The following CNNM2 variants were observed in gnomAD, a reference collection of about 807,000 sequenced individuals.
CNNM2 encodes the protein metal transporter CNNM2.
Under a neutral mutation model 66.9 loss-of-function variants are expected in CNNM2, and 12 were observed. The ratio of observed to expected loss-of-function variants is 0.18; its 90% confidence interval spans 0.11 to 0.29. The LOEUF is 0.29. Ranked by LOEUF, CNNM2 falls within the 10% of genes least tolerant of loss-of-function variation. The pLI is 1.00. For missense variants in CNNM2, 705 were observed against 1,167.7 expected (o/e 0.60, Z 5.77); for synonymous variants, 557 against 501.8 (o/e 1.11, Z -1.47).
intron 4 of CNNM2, among the ~76,000 whole-genome samples, chr10:103,062,978 G>T (rs74441776): frequency 2.6e-5 from 4 of 152,220 alleles, no homozygotes; most frequent in East Asian, 1.9e-4. Context: ...GAGATGCTGC[G>T]TTACCAGCAA....
intron 1 of CNNM2, among the ~76,000 whole-genome samples, chr10:102,988,525 T>A (rs952353747): frequency 2.0e-5 from 3 of 152,124 alleles, no homozygotes; most frequent in African/African-American, 7.2e-5. Flanking sequence ...AAGAATCTTA[T>A]ACAAAGTATA....
chr10:103,033,121 A>G (rs2064861392), intron 1 of CNNM2, among the ~76,000 whole-genome samples: 1 of 151,772 alleles, frequency 6.6e-6, no homozygotes, highest in African/African-American at 2.4e-5. Flanking sequence ...CTGTCCAAAA[A>G]AAAAAAAAGA....
At chr10:102,932,376 C>T (rs1846094014) in intron 1 of CNNM2, among the ~76,000 whole-genome samples, 1 of 151,882 alleles carries the variant, frequency 6.6e-6, no homozygotes, top group Admixed American at 6.6e-5. Flanking sequence ...GTTGCTTATG[C>T]TTTTGGTGTC....
chr10:103,038,259 T>C (rs150184698), intron 1 of CNNM2, among the ~76,000 whole-genome samples: 1 of 152,194 alleles, frequency 6.6e-6, no homozygotes, highest in Admixed American at 6.5e-5. Flanking sequence ...CCACCTAGAT[T>C]AGTTTTTCTC....
chr10:103,045,593 C>G (rs147977778), intron 1 of CNNM2, among the ~76,000 whole-genome samples: 1 of 151,710 alleles, frequency 6.6e-6, no homozygotes, highest in Non-Finnish European at 1.5e-5. Flanking sequence ...CACCCCACCC[C>G]CCGCCACCGC....
intron 1 of CNNM2, among the ~76,000 whole-genome samples, chr10:103,020,110 CTT>C (rs1458342320): frequency 1.3e-5 from 2 of 151,188 alleles, no homozygotes; most frequent in African/African-American, 4.8e-5. Context: ...TATATTTTGA[CTT>C]TTTTAGCCAT....
In CNNM2 at chr10:103,086,807, A is replaced by AT. The variant is rs1219824753; in HGVS notation, c.*9627_*9628insT. ...CAAGAGAAAAATCTTAGGTCTAAATAGAACCCTAAACTTTCTTGGCTGTGA... is the reference window on the plus strand; with the variant it reads ...CAAGAGAAAAATCTTAGGTCTAAATATGAACCCTAAACTTTCTTGGCTGTGA... On this transcript the variant is annotated 3_prime_UTR_variant, in exon 8 of 8. Transcript: ENST00000369878. 2 of 152,230 alleles carry AT rather than the reference A, an allele frequency of 1.3e-5. No homozygotes were observed. Among genetic ancestry groups the AT allele is most frequent in the African/African-American group, 2.4e-5 (1 of 41,460 alleles). The allele number at this position is 152,230 out of a possible 1,614,324, so 9.4% of individuals were successfully genotyped here. A position where few individuals can be genotyped will look rare whatever the true frequency, so the allele number is the denominator to read the frequency against.
chr10:102,965,591 T>C (rs369407122), intron 1 of CNNM2, among the ~76,000 whole-genome samples: 10 of 152,332 alleles, frequency 6.6e-5, no homozygotes, highest in African/African-American at 2.4e-4. Context: ...TTCCCTGTAG[T>C]GTCTGCTTTA....
In CNNM2 at chr10:102,949,254, C is replaced by T. The variant is rs573742911; in HGVS notation, c.1621+29153C>T. On this transcript the variant is annotated intron_variant, in intron 1 of 7. Transcript: ENST00000369878. ...GCAGTGGTGTGATCTCGGCTCACCG[C>T]AACCTCCGCCTCCCCGATTCAAGCA... Among the ~76,000 whole-genome samples the T allele has an allele frequency of 5.8e-4, 89 of 152,178 alleles. 1 individual carries two copies. The South Asian group carries it at 0.018, about 32-fold the overall frequency.
intron 1 of CNNM2, among the ~76,000 whole-genome samples, chr10:103,006,185 G>A (rs2064222465): frequency 6.6e-6 from 1 of 151,556 alleles, no homozygotes; most frequent in Admixed American, 6.6e-5. Flanking sequence ...TAACTGTGAT[G>A]TTTGCTTTAG....
At chr10:103,034,469 A>G (rs2064891695) in intron 1 of CNNM2, among the ~76,000 whole-genome samples, 1 of 152,184 alleles carries the variant, frequency 6.6e-6, no homozygotes, top group South Asian at 2.1e-4. Context: ...GTTATTTAGC[A>G]CATTGTCTGG....
chr10:102,947,094 C>G (rs888827105), intron 1 of CNNM2, among the ~76,000 whole-genome samples: 27 of 152,056 alleles, frequency 1.8e-4, no homozygotes, highest in African/African-American at 5.3e-4. Flanking sequence ...TTACTCTGAA[C>G]TAGTTTATAG....
intron 1 of CNNM2, among the ~76,000 whole-genome samples, chr10:103,046,491 C>T (rs2065128968): frequency 6.6e-6 from 1 of 152,154 alleles, no homozygotes; most frequent in African/African-American, 2.4e-5. Context: ...CTCAGGACCC[C>T]TTGAAACTCT....
intron 1 of CNNM2, among the ~76,000 whole-genome samples, chr10:102,930,264 A>G (rs1227857538): frequency 4.6e-5 from 7 of 152,228 alleles, no homozygotes; most frequent in African/African-American, 1.7e-4. Context: ...ATTTGCACGG[A>G]ATATAGACAT....
At chr10:103,035,811 A>G (rs2064926269) in intron 1 of CNNM2, among the ~76,000 whole-genome samples, 1 of 152,210 alleles carries the variant, frequency 6.6e-6, no homozygotes, top group Admixed American at 6.5e-5. Context: ...TGATAGGACC[A>G]TCCACTTGGA....
intron 1 of CNNM2, among the ~76,000 whole-genome samples, chr10:102,995,564 A>G: frequency 6.6e-6 from 1 of 151,620 alleles, no homozygotes; most frequent in South Asian, 2.1e-4. Flanking sequence ...GTTCTATTAT[A>G]TGTAGAGTTT....
chr10:103,047,210 A>G (rs1277867540), intron 1 of CNNM2, among the ~76,000 whole-genome samples: 2 of 152,344 alleles, frequency 1.3e-5, no homozygotes. Context: ...AAAAAGGTGA[A>G]TGTCAGCAGT....
intron 1 of CNNM2, among the ~76,000 whole-genome samples, chr10:102,975,057 A>G (rs1590335369): frequency 6.6e-6 from 1 of 152,206 alleles, no homozygotes; most frequent in Non-Finnish European, 1.5e-5. Flanking sequence ...AACTAAGGCC[A>G]GTGGATGGAA....
At chr10:103,007,707 A>G (rs79296232) in intron 1 of CNNM2, among the ~76,000 whole-genome samples, 1 of 152,132 alleles carries the variant, frequency 6.6e-6, no homozygotes, top group Non-Finnish European at 1.5e-5. Flanking sequence ...TTCCCTGAAA[A>G]TCACTGTTAT....
Sources: gnomAD v4.1 joint callset for allele counts (sites outside exome capture counted in the v4.1 genomes callset) on GRCh38, gnomAD v4.1.1 for gene constraint, MANE v1.5 for transcripts, NCBI Gene and HGNC (gene_info 2026-07-23, HGNC 2026-07-21) for gene names.